The following SGCD variants were observed in gnomAD, a reference collection of about 807,000 sequenced individuals.
SGCD encodes sarcoglycan delta, also known as delta-sarcoglycan.
Under a neutral mutation model 36.6 loss-of-function variants are expected in SGCD, and 18 were observed. The observed-to-expected ratio is 0.49, with a 90% CI of 0.34 to 0.73. The LOEUF is 0.73. Among genes scored for constraint, SGCD ranks in the 30% least tolerant of loss-of-function variants. The pLI, the probability that SGCD is intolerant of heterozygous loss-of-function variation, is 0.01. For synonymous variants in SGCD, 133 were observed against 130.6 expected (o/e 1.02, Z -0.12); for missense variants, 387 against 346.7 (o/e 1.12, Z -0.92).
intron 3 of SGCD, among the ~76,000 whole-genome samples, chr5:156,495,001 G>A (rs1756119611): frequency 6.6e-6 from 1 of 152,118 alleles, no homozygotes; most frequent in African/African-American, 2.4e-5. Context: ...AGCTCTGCCT[G>A]TGTGATGCTC....
At chr5:156,748,024 G>T (rs542785045) in intron 7 of SGCD, among the ~76,000 whole-genome samples, 1 of 152,202 alleles carries the variant, frequency 6.6e-6, no homozygotes, top group Non-Finnish European at 1.5e-5. Flanking sequence ...ACAAATCATG[G>T]TCTATTCATG....
intron 6 of SGCD, among the ~76,000 whole-genome samples, chr5:156,617,047 A>G (rs1335334094): frequency 6.6e-6 from 1 of 152,212 alleles, no homozygotes. Context: ...TTATCACAAC[A>G]TGACATGATG....
chr5:156,176,228 C>A (rs1025328504), intron 3 of SGCD, among the ~76,000 whole-genome samples: 2 of 151,982 alleles, frequency 1.3e-5, no homozygotes, highest in African/African-American at 4.8e-5. Context: ...AGTGCGTTCT[C>A]CTATTTTATC....
chr5:156,737,967 A>G (rs284442), intron 7 of SGCD, among the ~76,000 whole-genome samples: 114,420 of 152,014 alleles, frequency 0.75, 43,993 homozygotes, highest in Middle Eastern at 0.84. Flanking sequence ...CCGATTTTCA[A>G]TCCTGATCAA....
At chr5:156,684,258 G>A (rs1160540579) in intron 7 of SGCD, among the ~76,000 whole-genome samples, 7 of 152,090 alleles carry the variant, frequency 4.6e-5, no homozygotes, top group Admixed American at 4.6e-4. Flanking sequence ...CTGGGTGGTG[G>A]AGGTGGGGAA....
At chr5:156,738,513 C>A (rs543593578) in intron 7 of SGCD, 2 of 152,282 alleles carry the variant, frequency 1.3e-5, no homozygotes, top group East Asian at 3.9e-4. Context: ...ATCTGTCAAG[C>A]TTTTCCTCTC....
At chr5:156,309,255 T>A (rs1767322545) in intron 3 of SGCD, among the ~76,000 whole-genome samples, 1 of 152,186 alleles carries the variant, frequency 6.6e-6, no homozygotes, top group African/African-American at 2.4e-5. Context: ...CTTTTTTCCA[T>A]CTAGAAAATG....
intron 3 of SGCD, among the ~76,000 whole-genome samples, chr5:156,289,100 A>G (rs1183259590): frequency 6.6e-6 from 1 of 152,200 alleles, no homozygotes; most frequent in East Asian, 1.9e-4. Flanking sequence ...TTAGTCCTAT[A>G]AAGTTCTCTG....
chr5:156,664,998 T>G (rs2113639918), intron 7 of SGCD, among the ~76,000 whole-genome samples: 1 of 150,332 alleles, frequency 6.7e-6, no homozygotes, highest in Admixed American at 6.6e-5. Context: ...CACTACCCTG[T>G]CTACTAGGTG....
chr5:156,124,730 C>CAT (rs1762129697), intron 3 of SGCD, among the ~76,000 whole-genome samples: 1 of 151,064 alleles, frequency 6.6e-6, no homozygotes, highest in South Asian at 2.1e-4. Flanking sequence ...TATATATGTA[C>CAT]GTATATATAG....
intron 1 of SGCD, among the ~76,000 whole-genome samples, chr5:155,977,378 A>G (rs567623518): frequency 1.3e-5 from 2 of 152,328 alleles, no homozygotes; most frequent in African/African-American, 4.8e-5. Flanking sequence ...TAAACAGTTA[A>G]TTTTGTAATT....
rs1035991333 is a variant in SGCD, at chr5:156,761,579, A to G, written c.*2189A>G. On this transcript the variant is annotated 3_prime_UTR_variant, in exon 9 of 9. Transcript: ENST00000337851. ...CTATCCCATATCATTCAGATAAACAATGATAGCTACAAAGTCATTTGTGGC... is the reference window on the plus strand; with the variant it reads ...CTATCCCATATCATTCAGATAAACAGTGATAGCTACAAAGTCATTTGTGGC... 1 of 152,192 alleles carries G rather than the reference A, an allele frequency of 6.6e-6. No homozygotes were observed. Among genetic ancestry groups the G allele is most frequent in the Non-Finnish European group, 1.5e-5 (1 of 68,030 alleles). The allele number at this position is 152,192 out of a possible 1,614,324, so 9.4% of individuals were successfully genotyped here.
intron 7 of SGCD, among the ~76,000 whole-genome samples, chr5:156,683,861 C>A (rs916230728): frequency 6.6e-6 from 1 of 152,158 alleles, no homozygotes; most frequent in African/African-American, 2.4e-5. Context: ...ACAGAGACAT[C>A]TAATGGAATG....
intron 2 of SGCD, 42 bp from the exon 3 acceptor site, chr5:156,344,447 C>T (rs374093646): frequency 1.1e-4 from 150 of 1,333,686 alleles, no homozygotes; most frequent in Middle Eastern, 8.9e-4. Flanking sequence ...CTTCTCTCAG[C>T]GGTTTAATGT....
At chr5:156,224,654 T>C (rs907578634) in intron 3 of SGCD, among the ~76,000 whole-genome samples, 1 of 152,148 alleles carries the variant, frequency 6.6e-6, no homozygotes, top group Non-Finnish European at 1.5e-5. Flanking sequence ...AAGGTTGTTA[T>C]CAAGTTTTAA....
At chr5:155,762,184 C>T in the SGCD span, among the ~76,000 whole-genome samples, 1 of 152,106 alleles carries the variant, frequency 6.6e-6, no homozygotes, top group African/African-American at 2.4e-5. Flanking sequence ...CCACCCTTTC[C>T]CAGGCTTGTT....
intron 3 of SGCD, among the ~76,000 whole-genome samples, chr5:156,377,572 C>T (rs1415496177): frequency 2.0e-5 from 3 of 152,120 alleles, no homozygotes; most frequent in Admixed American, 1.3e-4. Context: ...GCCTAGTGCA[C>T]GACAGGCTTT....
At chr5:156,298,220 G>T (rs946936067) in intron 3 of SGCD, among the ~76,000 whole-genome samples, 1 of 152,078 alleles carries the variant, frequency 6.6e-6, no homozygotes, top group Admixed American at 6.6e-5. Context: ...CTTGGATATT[G>T]TGAATACTGC....
intron 5 of SGCD, 120 bp from the exon 6 acceptor site, chr5:156,594,812 T>C: frequency 1.5e-6 from 1 of 651,494 alleles, no homozygotes; most frequent in Non-Finnish European, 2.7e-6. Context: ...TCATACAATC[T>C]TGTTAGATAT....
Sources: gnomAD v4.1 joint callset for allele counts (sites outside exome capture counted in the v4.1 genomes callset) on GRCh38, gnomAD v4.1.1 for gene constraint, MANE v1.5 for transcripts, NCBI Gene and HGNC (gene_info 2026-07-23, HGNC 2026-07-21) for gene names.